The following GALNT3 variants were observed in gnomAD, a reference collection of about 807,000 sequenced individuals.
The protein encoded by GALNT3 is GalNAc transferase 3.
Under a neutral mutation model 69.8 loss-of-function variants are expected in GALNT3, and 51 were observed. That is an observed-to-expected ratio of 0.73 (90% CI 0.58 to 0.92). The LOEUF is 0.92. Among genes scored for constraint, GALNT3 ranks in the 40% least tolerant of loss-of-function variants. The pLI is 0.00. For synonymous variants in GALNT3, 265 were observed against 248.5 expected, an observed-to-expected ratio of 1.07 and a Z score of -0.63; for missense variants, 711 against 760.0, an observed-to-expected ratio of 0.94 and a Z score of 0.76.
intron 1 of GALNT3, among the ~76,000 whole-genome samples, chr2:165,776,949 G>C (rs1222293204): frequency 6.6e-6 from 1 of 152,146 alleles, no homozygotes; most frequent in Non-Finnish European, 1.5e-5. Flanking sequence ...ATCAAGGTAA[G>C]ATCCATCATG....
chr2:165,770,167 T>C lies in GALNT3; in HGVS notation c.515+19A>G, dbSNP rs1688722822. ...AAGCCTGGTGATAAAGAATAAACAATAAATATTCTTCAACATACTCAGGAG... is the reference window on the plus strand; with the variant it reads ...AAGCCTGGTGATAAAGAATAAACAACAAATATTCTTCAACATACTCAGGAG... On this transcript the variant is annotated intron_variant, in intron 2 of 10. Coordinates refer to ENST00000392701, the MANE Select transcript of GALNT3 (RefSeq NM_004482.4). 1 of 1,613,858 alleles carries C rather than the reference T, an allele frequency of 6.2e-7. No homozygotes were observed. The highest frequency in any genetic ancestry group is 8.5e-7 in the Non-Finnish European group (1 of 1,179,886).
chr2:165,767,076 G>A (rs1688656482), intron 2 of GALNT3, among the ~76,000 whole-genome samples: 1 of 152,004 alleles, frequency 6.6e-6, no homozygotes, highest in Admixed American at 6.6e-5. Flanking sequence ...ATTCTAAATT[G>A]AATTTTGGAT....
chr2:165,759,987 G>T (rs942685660), intron 4 of GALNT3, among the ~76,000 whole-genome samples: 3 of 152,078 alleles, frequency 2.0e-5, no homozygotes, highest in African/African-American at 7.2e-5. Flanking sequence ...GTGATGAGAT[G>T]AGGGTAGGAT....
At chr2:165,792,988 C>T (rs1229044716) in intron 1 of GALNT3, among the ~76,000 whole-genome samples, 1 of 152,086 alleles carries the variant, frequency 6.6e-6, no homozygotes, top group Non-Finnish European at 1.5e-5. Flanking sequence ...ACTTCTATAG[C>T]AAGTTATGTT....
chr2:165,773,651 A>C (rs1688793245), intron 1 of GALNT3, among the ~76,000 whole-genome samples: 1 of 152,170 alleles, frequency 6.6e-6, no homozygotes, highest in African/African-American at 2.4e-5. Context: ...GAAATTAGGA[A>C]AAAGTTCTGC....
At position 165,748,754 on chromosome 2, in the gene GALNT3, C is replaced by A. The variant is rs775247455; in HGVS notation, c.*27G>T. 96 of 1,591,016 alleles carry A rather than the reference C, an allele frequency of 6.0e-5. No individual in the cohort carries two copies. Among genetic ancestry groups the A allele is most frequent in the Middle Eastern group, 3.8e-4 (2 of 5,318 alleles). ...ACAGTTTTATGAGAAAGAATATTTC[C>A]TTTTTCAACTTAATTTTAAGGAACA... On this transcript the variant is annotated 3_prime_UTR_variant, in exon 11 of 11. Coordinates refer to ENST00000392701, the MANE Select transcript of GALNT3 (RefSeq NM_004482.4).
chr2:165,763,928 G>A (rs765507392), intron 3 of GALNT3, among the ~76,000 whole-genome samples: 1 of 152,024 alleles, frequency 6.6e-6, no homozygotes, highest in East Asian at 1.9e-4. Flanking sequence ...TTTAAGATGA[G>A]GATAATCGGA....
At chr2:165,773,892 A>G (rs1437932404) in intron 1 of GALNT3, among the ~76,000 whole-genome samples, 1 of 152,206 alleles carries the variant, frequency 6.6e-6, no homozygotes, top group Non-Finnish European at 1.5e-5. Context: ...GAGATGTTAA[A>G]TGTGCAACAG....
intron 9 of GALNT3, among the ~76,000 whole-genome samples, chr2:165,752,950 A>G (rs1164652071): frequency 1.3e-5 from 2 of 152,188 alleles, no homozygotes; most frequent in African/African-American, 4.8e-5. Context: ...AGATATAGGT[A>G]TAGATGTATG....
At position 165,761,563 on chromosome 2, in the gene GALNT3, A is replaced by AAAAC. The variant is rs35898002; in HGVS notation, c.838+338_838+341dup. ...TTCACTTTAAAGTGTGGGAATCAAG[A>AAAAC]AAACAAACAAACAAACAAACAAACA... On this transcript the variant is annotated intron_variant, in intron 4 of 10. Coordinates refer to ENST00000392701, the MANE Select transcript of GALNT3 (RefSeq NM_004482.4). 1.4e-4 allele frequency among the ~76,000 whole-genome samples: 21 copies of AAAAC among 148,396 alleles called. No individual in the cohort carries two copies. In the South Asian group the frequency reaches 1.9e-3, roughly 14 times the overall value.
chr2:165,761,071 T>C (rs544002856), intron 4 of GALNT3, among the ~76,000 whole-genome samples: 1 of 151,550 alleles, frequency 6.6e-6, no homozygotes, highest in Non-Finnish European at 1.5e-5. Flanking sequence ...GTGGTTTTTA[T>C]TGAAAATTCG....
At chr2:165,750,821 A>G (rs1242250773) in intron 9 of GALNT3, among the ~76,000 whole-genome samples, 1 of 152,166 alleles carries the variant, frequency 6.6e-6, no homozygotes, top group Non-Finnish European at 1.5e-5. Context: ...CAATCAGAAC[A>G]TATGTATCTA....
intron 1 of GALNT3, among the ~76,000 whole-genome samples, chr2:165,780,997 T>A (rs1483746675): frequency 6.6e-6 from 1 of 152,186 alleles, no homozygotes; most frequent in South Asian, 2.1e-4. Context: ...AGTCAGAAGG[T>A]GTTTATCAAA....
chr2:165,749,574 T>TAGATATATTCTCTTATCACATGGGTAG (rs1688319306), intron 10 of GALNT3, among the ~76,000 whole-genome samples, 168 bp downstream of exon 10: 1 of 152,146 alleles, frequency 6.6e-6, no homozygotes, highest in Non-Finnish European at 1.5e-5. Flanking sequence ...ACTTAATTCA[T>TAGATATATTCTCTTATCACATGGGTAG]AGATATATTC....
intron 6 of GALNT3, among the ~76,000 whole-genome samples, chr2:165,757,661 G>A (rs965768782): frequency 2.6e-5 from 4 of 152,076 alleles, no homozygotes; most frequent in African/African-American, 9.7e-5. Flanking sequence ...GATATAAGTG[G>A]ACTCAGACCC....
intron 6 of GALNT3, 77 bp from the exon 7 acceptor site, chr2:165,757,324 G>T: frequency 6.9e-7 from 1 of 1,449,672 alleles, no homozygotes; most frequent in Non-Finnish European, 9.6e-7. Context: ...TCACCTTTAA[G>T]GTATTATGAA....
intron 1 of GALNT3, among the ~76,000 whole-genome samples, chr2:165,785,831 T>C (rs993287458): frequency 5.3e-5 from 8 of 152,184 alleles, no homozygotes; most frequent in African/African-American, 1.9e-4. Context: ...AAGGGACAAA[T>C]AAATCTGTTA....
chr2:165,765,120 C>A, intron 2 of GALNT3, 64 bp from the exon 3 acceptor site: 3 of 1,288,764 alleles, frequency 2.3e-6, no homozygotes, highest in South Asian at 1.2e-5. Flanking sequence ...CACAGCTATA[C>A]CATTGCTAAC....
chr2:165,766,791 C>G (rs1688650897), intron 2 of GALNT3, among the ~76,000 whole-genome samples: 1 of 151,204 alleles, frequency 6.6e-6, no homozygotes, highest in South Asian at 2.1e-4. Flanking sequence ...CCATTAATTA[C>G]TTTCATAGTC....
Sources: gnomAD v4.1 joint callset for allele counts (sites outside exome capture counted in the v4.1 genomes callset) on GRCh38, gnomAD v4.1.1 for gene constraint, MANE v1.5 for transcripts, NCBI Gene and HGNC (gene_info 2026-07-23, HGNC 2026-07-21) for gene names.